Variants in SUPT16H observed in about 807,000 individuals in gnomAD.
The protein encoded by SUPT16H is FACT complex subunit SPT16.
SUPT16H carries 24 observed loss-of-function variants against 136.2 expected under a neutral mutation model. The observed-to-expected ratio is 0.18, with a 90% CI of 0.13 to 0.25. SUPT16H has a LOEUF of 0.25. SUPT16H is among the 10% of genes least tolerant of loss of function. The probability of loss-of-function intolerance (pLI) is 1.00; values close to 1 mark genes in which losing one functional copy is unlikely to be tolerated. For synonymous variants in SUPT16H, 415 were observed against 428.2 expected (o/e 0.97, Z 0.38); for missense variants, 623 against 1,270.2 (o/e 0.49, Z 7.74).
At chr14:21,383,421 C>A in intron 1 of SUPT16H, 2 of 509,116 alleles carry the variant, frequency 3.9e-6, no homozygotes, top group Non-Finnish European at 7.0e-6. Flanking sequence ...CGATTGACAT[C>A]CTCCTTGCCC....
rs1886599153 is a variant in SUPT16H, at chr14:21,363,419, TTATC to T, written c.1299+15_1299+18del. ...TTATATCCTAAACTTCCTATACTACTTATCTATCTTCTTCCTACCTTTAGGAAAA... is the reference window on the plus strand; with the variant it reads ...TTATATCCTAAACTTCCTATACTACTTATCTTCTTCCTACCTTTAGGAAAA... On this transcript the variant is annotated intron_variant, in intron 11 of 25. Transcript: ENST00000216297. 1 of 1,612,736 alleles carries T rather than the reference TTATC, an allele frequency of 6.2e-7. No homozygotes were observed. The highest frequency in any genetic ancestry group is 1.3e-5 in the African/African-American group (1 of 74,900).
chr14:21,366,380 G>T, intron 8 of SUPT16H, 59 bp downstream of exon 8: 1 of 1,498,896 alleles, frequency 6.7e-7, no homozygotes, highest in Non-Finnish European at 9.3e-7. Context: ...AAATAAGACT[G>T]ACCACTGACA....
In SUPT16H at chr14:21,353,835, GGTGA is replaced by G. The variant is rs759932347; in HGVS notation, c.2791-7_2791-4del. Reference sequence around the variant, plus strand: ...TCCCCTTCTTCAGCATCACTCCCCTGGTGAGTTAGAGCATAATACTGATTTTTTT... The same window carrying G: ...TCCCCTTCTTCAGCATCACTCCCCTGGTTAGAGCATAATACTGATTTTTTT... On this transcript the variant is annotated splice_polypyrimidine_tract_variant and splice_region_variant and intron_variant, in intron 23 of 25. Transcript: ENST00000216297. 1 of 1,611,754 alleles carries G rather than the reference GGTGA, an allele frequency of 6.2e-7. No individual in the cohort carries two copies. Among genetic ancestry groups the G allele is most frequent in the African/African-American group, 1.3e-5 (1 of 74,802 alleles).
At position 21,352,263 on chromosome 14, in the gene SUPT16H, G is replaced by T. The variant is rs1886326994; in HGVS notation, c.*410C>A. On this transcript the variant is annotated 3_prime_UTR_variant, in exon 26 of 26. Transcript: ENST00000216297. ...GTCATGGCAGTAGGGTAGGTTGGAG[G>T]ATTGAATGTGCTGGTCAAGAACCAT... 5.2e-6 allele frequency: 1 copy of T among 193,514 alleles called. No individual in the cohort carries two copies. Among genetic ancestry groups the T allele is most frequent in the African/African-American group, 2.3e-5 (1 of 43,414 alleles). 12.0% of individuals were successfully genotyped at this position (193,514 alleles called of 1,614,324 possible). A position where few individuals can be genotyped will look rare whatever the true frequency, so the allele number is the denominator to read the frequency against.
At chr14:21,378,376 A>AT (rs1461602020) in intron 1 of SUPT16H, among the ~76,000 whole-genome samples, 2 of 152,238 alleles carry the variant, frequency 1.3e-5, no homozygotes, top group Non-Finnish European at 2.9e-5. Context: ...AAAGTTAATC[A>AT]TACTTTATTA....
chr14:21,374,080 C>T (rs1285410070), intron 1 of SUPT16H, among the ~76,000 whole-genome samples: 1 of 152,196 alleles, frequency 6.6e-6, no homozygotes, highest in Non-Finnish European at 1.5e-5. Flanking sequence ...AGATAAGCCA[C>T]CTTCATCTTA....
At chr14:21,368,560 G>C in intron 6 of SUPT16H, 119 bp from the exon 7 acceptor site, 1 of 1,124,850 alleles carries the variant, frequency 8.9e-7, no homozygotes, top group South Asian at 2.1e-5. Flanking sequence ...AGCTGTGGCT[G>C]AATAAGGACC....
At chr14:21,372,818 A>G (rs988004277) in intron 2 of SUPT16H, 1 of 356,178 alleles carries the variant, frequency 2.8e-6, no homozygotes, top group African/African-American at 2.1e-5. Flanking sequence ...CTTTTTCCTT[A>G]TGTCTTAAAT....
Position 21,353,470 on chromosome 14 carries a change from C to CGA in SUPT16H, c.2998+17_2998+18insTC, listed in dbSNP as rs1455892231. ...TGTGCGTAGACAAATGAATAAAAAA[C>CGA]AACACATTTTTAAAAACCTTTTCGG... On this transcript the variant is annotated intron_variant, in intron 25 of 25. Transcript: ENST00000216297. The CGA allele has an allele frequency of 1.9e-6, 3 of 1,609,722 alleles. No individual in the cohort carries two copies. The highest frequency in any genetic ancestry group is 2.5e-6 in the Non-Finnish European group (3 of 1,178,238).
chr14:21,370,563 GAAT>G (rs1886764373), intron 3 of SUPT16H, 75 bp from the exon 4 acceptor site: 2 of 1,476,528 alleles, frequency 1.4e-6, no homozygotes, highest in Non-Finnish European at 9.3e-7. Flanking sequence ...GTAACAGGTA[GAAT>G]AATATTCTAA....
Position 21,364,954 on chromosome 14 carries a change from C to T in SUPT16H, c.1121-15G>A, listed in dbSNP as rs377577481. The T allele has an allele frequency of 8.2e-5, 133 of 1,613,106 alleles. 1 individual carries two copies. Among genetic ancestry groups the T allele is most frequent in the Non-Finnish European group, 1.5e-5 (18 of 1,179,258 alleles). ...GAAAACCATTCCTAAAACAGCAAAA[C>T]AAGGATCAGTCTGTGGCTGTGACAA... On this transcript the variant is annotated splice_polypyrimidine_tract_variant and intron_variant, in intron 9 of 25. Transcript: ENST00000216297.
Position 21,361,065 on chromosome 14 carries a change from T to C in SUPT16H, c.1929+13A>G, listed in dbSNP as rs763481323. 3 of 1,612,926 alleles carry C rather than the reference T, an allele frequency of 1.9e-6. No individual in the cohort carries two copies. The highest frequency in any genetic ancestry group is 3.4e-5 in the Admixed American group (2 of 59,596). On this transcript the variant is annotated intron_variant, in intron 16 of 25. Transcript: ENST00000216297. ...TCTTTGTGTAAGAATGTTTTGCCTG[T>C]GTTCAGGCTCACCTCCTTCTCTTTC...
In SUPT16H at chr14:21,351,758, A is replaced by C. The variant is rs947638280; in HGVS notation, c.*915T>G. 4 of 152,978 alleles carry C rather than the reference A, an allele frequency of 2.6e-5. No individual in the cohort carries two copies. Among genetic ancestry groups the C allele is most frequent in the African/African-American group, 9.7e-5 (4 of 41,444 alleles). The allele number at this position is 152,978 out of a possible 1,614,324, so 9.5% of individuals were successfully genotyped here. On this transcript the variant is annotated 3_prime_UTR_variant, in exon 26 of 26. Coordinates refer to ENST00000216297, the MANE Select transcript of SUPT16H (RefSeq NM_007192.4). ...ATACAGGACAATGCAAGACAAAGTTAAAATAAGGAGCAGCAGTGCCGAGAG... is the reference window on the plus strand; with the variant it reads ...ATACAGGACAATGCAAGACAAAGTTCAAATAAGGAGCAGCAGTGCCGAGAG...
At chr14:21,370,134 C>T (rs1594306269) in intron 4 of SUPT16H, among the ~76,000 whole-genome samples, 1 of 152,180 alleles carries the variant, frequency 6.6e-6, no homozygotes, top group Middle Eastern at 3.4e-3. Flanking sequence ...ATGTAAACTG[C>T]CCTCTAGACG....
chr14:21,370,535 A>T (rs1368469508), intron 3 of SUPT16H, 47 bp from the exon 4 acceptor site: 1 of 1,594,240 alleles, frequency 6.3e-7, no homozygotes, highest in Admixed American at 1.7e-5. Context: ...TTACCAGTTC[A>T]TTAGACACGT....
At chr14:21,369,441 T>C (rs1330076860) in intron 5 of SUPT16H, 86 bp from the exon 6 acceptor site, 9 of 1,526,294 alleles carry the variant, frequency 5.9e-6, no homozygotes, top group South Asian at 1.2e-5. Context: ...AGACAAAATG[T>C]ATCCTTGTAT....
chr14:21,374,774 C>T (rs1886866167), intron 1 of SUPT16H, among the ~76,000 whole-genome samples: 2 of 152,158 alleles, frequency 1.3e-5, no homozygotes, highest in African/African-American at 2.4e-5. Flanking sequence ...AAAAATGTTG[C>T]CATGAACATT....
At chr14:21,382,322 ATAAACT>A (rs888955154) in intron 1 of SUPT16H, among the ~76,000 whole-genome samples, 1 of 152,224 alleles carries the variant, frequency 6.6e-6, no homozygotes, top group Non-Finnish European at 1.5e-5. Context: ...GAGGGCCAAG[ATAAACT>A]TTAAAGATTT....
chr14:21,373,707 G>T (rs1033471867), intron 1 of SUPT16H, among the ~76,000 whole-genome samples: 2 of 152,090 alleles, frequency 1.3e-5, no homozygotes, highest in East Asian at 1.9e-4. Context: ...GTAATTCAAA[G>T]AAATATTTTA....
Sources: gnomAD v4.1 joint callset for allele counts (sites outside exome capture counted in the v4.1 genomes callset) on GRCh38, gnomAD v4.1.1 for gene constraint, MANE v1.5 for transcripts, NCBI Gene and HGNC (gene_info 2026-07-23, HGNC 2026-07-21) for gene names.